DPYSL2: variants seen among roughly 807,000 people sequenced by gnomAD.
The protein encoded by DPYSL2 is dihydropyrimidinase like 2.
A neutral mutation model predicts 69.9 loss-of-function variants in DPYSL2; 13 were observed. The observed-to-expected ratio is 0.19, with a 90% CI of 0.12 to 0.30. The LOEUF (loss-of-function observed/expected upper bound fraction) is 0.30, where lower values mean the gene tolerates loss of function less well. Ranked by LOEUF, DPYSL2 falls within the 10% of genes least tolerant of loss-of-function variation. The probability of loss-of-function intolerance (pLI) is 1.00; values close to 1 mark genes in which losing one functional copy is unlikely to be tolerated. For synonymous variants in DPYSL2, 326 were observed against 359.1 expected, an observed-to-expected ratio of 0.91 and a Z score of 1.04; for missense variants, 587 against 918.9, an observed-to-expected ratio of 0.64 and a Z score of 4.67.
chr8:26,570,114 A>G (rs1348604738), intron 1 of DPYSL2, among the ~76,000 whole-genome samples: 1 of 152,224 alleles, frequency 6.6e-6, no homozygotes, highest in Non-Finnish European at 1.5e-5. Context: ...TATTTATGCA[A>G]GCAGCCTGGC....
chr8:26,556,969 G>A (rs1042001382), intron 1 of DPYSL2, among the ~76,000 whole-genome samples: 1 of 152,146 alleles, frequency 6.6e-6, no homozygotes, highest in African/African-American at 2.4e-5. Flanking sequence ...ACAATTCAGT[G>A]TTGAAAATAC....
At chr8:26,568,679 T>C (rs545553228) in intron 1 of DPYSL2, among the ~76,000 whole-genome samples, 6 of 130,068 alleles carry the variant, frequency 4.6e-5, no homozygotes, top group African/African-American at 2.0e-4. Context: ...TTTCAGTACA[T>C]TGATCATGGC....
At chr8:26,574,880 C>T (rs535961060) in intron 1 of DPYSL2, among the ~76,000 whole-genome samples, 28 of 152,304 alleles carry the variant, frequency 1.8e-4, no homozygotes, top group African/African-American at 6.7e-4. Context: ...CTTCCCCTGC[C>T]CCCAGTAGCT....
At chr8:26,553,963 A>G (rs1295491918) in intron 1 of DPYSL2, among the ~76,000 whole-genome samples, 1 of 142,232 alleles carries the variant, frequency 7.0e-6, no homozygotes, top group Non-Finnish European at 1.5e-5. Context: ...CAGTGGCACG[A>G]TCTCTGCAAC....
chr8:26,587,535 AAC>A lies in DPYSL2; in HGVS notation c.628+3556_628+3557del, dbSNP rs1407380040. ...TGAAATGGCGCCGCATGTAGAGGAAAACACAGCCAAATATTCTCGGTTTAAAA... is the reference window on the plus strand; with the variant it reads ...TGAAATGGCGCCGCATGTAGAGGAAAACAGCCAAATATTCTCGGTTTAAAA... On this transcript the variant is annotated intron_variant, in intron 3 of 13. Coordinates refer to ENST00000521913, the MANE Select transcript of DPYSL2 (RefSeq NM_001197293.3). This position sits in a 1 kb window ranked among gnomAD's most constrained non-coding sequence, Gnocchi z 4.2. 6.6e-6 allele frequency among the ~76,000 whole-genome samples: 1 copy of A among 152,236 alleles called. No homozygotes were observed. Among genetic ancestry groups the A allele is most frequent in the Non-Finnish European group, 1.5e-5 (1 of 68,046 alleles).
chr8:26,525,829 G>A (rs1808466662), intron 1 of DPYSL2, among the ~76,000 whole-genome samples: 1 of 152,018 alleles, frequency 6.6e-6, no homozygotes, highest in Admixed American at 6.5e-5. Flanking sequence ...GCTTTCCATT[G>A]CAGATATTTT....
intron 1 of DPYSL2, chr8:26,578,434 A>ATGG: frequency 2.0e-6 from 3 of 1,527,580 alleles, no homozygotes; most frequent in Non-Finnish European, 2.6e-6. Flanking sequence ...GGCGATGGTG[A>ATGG]TGGTGGTGGT....
At chr8:26,584,111 G>A in intron 3 of DPYSL2, 128 bp downstream of exon 3, 7 of 873,824 alleles carry the variant, frequency 8.0e-6, no homozygotes, top group Middle Eastern at 3.5e-4. Flanking sequence ...CAAATAAGGG[G>A]GTGAGGATGT....
intron 1 of DPYSL2, chr8:26,578,250 G>A: frequency 6.2e-7 from 1 of 1,614,152 alleles, no homozygotes; most frequent in African/African-American, 1.3e-5. Flanking sequence ...TTTCCCAGGA[G>A]AGAGATGTCT....
intron 3 of DPYSL2, among the ~76,000 whole-genome samples, chr8:26,608,347 AT>A (rs1158357518): frequency 1.3e-5 from 2 of 151,920 alleles, no homozygotes; most frequent in African/African-American, 4.8e-5. Context: ...GGAAGATTTT[AT>A]TTTTTTTCTC....
In DPYSL2 at chr8:26,517,912, G is replaced by A. The variant is rs966925156; in HGVS notation, c.354+3233G>A. 6.6e-5 allele frequency among the ~76,000 whole-genome samples: 10 copies of A among 152,166 alleles called. No individual in the cohort carries two copies. Among genetic ancestry groups the A allele is most frequent in the African/African-American group, 1.7e-4 (7 of 41,440 alleles). On this transcript the variant is annotated intron_variant, in intron 1 of 13. Coordinates refer to ENST00000521913, the MANE Select transcript of DPYSL2 (RefSeq NM_001197293.3). This position sits in a 1 kb window ranked among gnomAD's most constrained non-coding sequence, Gnocchi z 4.2. ...TGTTGAATCTCTTCTGGCCCTGGGA[G>A]CCCAGTGCTGTGCTGCCCTCTAACT...
chr8:26,530,196 CTG>C (rs372467393), intron 1 of DPYSL2, among the ~76,000 whole-genome samples: 344 of 151,372 alleles, frequency 2.3e-3, no homozygotes, highest in African/African-American at 8.3e-3. Flanking sequence ...ATCTACAACT[CTG>C]TTCACTAAAT....
intron 7 of DPYSL2, among the ~76,000 whole-genome samples, chr8:26,629,569 G>C (rs920258347): frequency 1.3e-5 from 2 of 152,160 alleles, no homozygotes; most frequent in Admixed American, 6.5e-5. Flanking sequence ...CGTGCTAAAG[G>C]CTGAAAGGGT....
chr8:26,630,092 G>A (rs4478581), intron 7 of DPYSL2, among the ~76,000 whole-genome samples: 75,017 of 152,158 alleles, frequency 0.49, 19,920 homozygotes, highest in East Asian at 0.68. Flanking sequence ...TTGTACCCAC[G>A]TATTTTCACA....
chr8:26,540,587 T>C (rs1455360618), intron 1 of DPYSL2, among the ~76,000 whole-genome samples: 1 of 152,124 alleles, frequency 6.6e-6, no homozygotes, highest in African/African-American at 2.4e-5. Flanking sequence ...ATAAACCCAT[T>C]GTAAGTTGAA....
rs932166522 is a variant in DPYSL2 at position 26,565,772 on chromosome 8, G to A, written c.355-16197G>A. 2.6e-5 allele frequency among the ~76,000 whole-genome samples: 4 copies of A among 152,138 alleles called. No individual in the cohort carries two copies. The highest frequency in any genetic ancestry group is 9.7e-5 in the African/African-American group (4 of 41,414). On this transcript the variant is annotated intron_variant, in intron 1 of 13. Coordinates refer to ENST00000521913, the MANE Select transcript of DPYSL2 (RefSeq NM_001197293.3). The surrounding 1 kb of genome is among the most constrained non-coding windows in gnomAD (Gnocchi z 4.1). ...GTTGAGTGGGCAGAGAAAGGTACAG[G>A]GTCCCCGCTCCATGCAATTAACTGG...
At chr8:26,531,716 G>A (rs1489079444) in intron 1 of DPYSL2, among the ~76,000 whole-genome samples, 1 of 152,158 alleles carries the variant, frequency 6.6e-6, no homozygotes, top group Non-Finnish European at 1.5e-5. Context: ...TTATGTTAAT[G>A]AATATTTAAA....
rs138297424 is a variant in DPYSL2, at chr8:26,530,773, C to A, written c.354+16094C>A. Among the ~76,000 whole-genome samples the A allele has an allele frequency of 2.6e-5, 4 of 152,296 alleles. No homozygotes were observed. In the East Asian group the frequency reaches 7.7e-4, roughly 29 times the overall value. On this transcript the variant is annotated intron_variant, in intron 1 of 13. Coordinates refer to ENST00000521913, the MANE Select transcript of DPYSL2 (RefSeq NM_001197293.3). ...TGAGTTTCACCAGTTATAGTGAGCT[C>A]TTATGGTATACCAGATGGTGGCTTT...
At position 26,642,539 on chromosome 8, in the gene DPYSL2, G is replaced by A. The variant is rs116614969; in HGVS notation, c.1127-900G>A. Among the ~76,000 whole-genome samples, 3 of 152,156 alleles carry A rather than the reference G, an allele frequency of 2.0e-5. No homozygotes were observed. The highest frequency in any genetic ancestry group is 6.5e-5 in the Admixed American group (1 of 15,274). On this transcript the variant is annotated intron_variant, in intron 8 of 13. Coordinates refer to ENST00000521913, the MANE Select transcript of DPYSL2 (RefSeq NM_001197293.3). The surrounding 1 kb of genome is among the most constrained non-coding windows in gnomAD (Gnocchi z 5.3). Reference sequence around the variant, plus strand: ...AGGAAGCGGGGTTGGGAGAGCAAACGTAAATCTAAGGTCCAATTGGGAGGC... The same window carrying A: ...AGGAAGCGGGGTTGGGAGAGCAAACATAAATCTAAGGTCCAATTGGGAGGC...
Sources: gnomAD v4.1 joint callset for allele counts (sites outside exome capture counted in the v4.1 genomes callset) on GRCh38, gnomAD v4.1.1 for gene constraint, Gnocchi (gnomAD v3.1) non-coding constraint, MANE v1.5 for transcripts, NCBI Gene and HGNC (gene_info 2026-07-23, HGNC 2026-07-21) for gene names.